Variants in OR2L5 observed in about 807,000 individuals in gnomAD.
OR2L5 encodes the protein olfactory receptor family 2 subfamily L member 5.
For synonymous variants in OR2L5, 169 were observed against 142.0 expected, an observed-to-expected ratio of 1.19 and a Z score of -1.35; for missense variants, 413 against 381.6, an observed-to-expected ratio of 1.08 and a Z score of -0.69.
In OR2L5 at chr1:248,023,997, T is replaced by C. The variant is rs1662413087; in HGVS notation, c.*1111T>C. On this transcript the variant is annotated 3_prime_UTR_variant, in exon 2 of 2. Transcript: ENST00000355281. ...ACTATTTATCTGAAGAATAACATCA[T>C]GTGATCAGAAAATATATTTTTATTT... The C allele has an allele frequency of 6.6e-6, 1 of 152,188 alleles. No homozygotes were observed. Among genetic ancestry groups the C allele is most frequent in the Non-Finnish European group, 1.5e-5 (1 of 68,026 alleles). 9.4% of individuals were successfully genotyped at this position (152,188 alleles called of 1,614,324 possible).
At chr1:248,020,218 C>T (rs997278916) in intron 1 of OR2L5, among the ~76,000 whole-genome samples, 1 of 152,124 alleles carries the variant, frequency 6.6e-6, no homozygotes, top group African/African-American at 2.4e-5. Flanking sequence ...ACTGGAAGTC[C>T]TAGCCAGAGC....
chr1:248,022,803 C>T lies in OR2L5; in HGVS notation c.856C>T (p.Pro286Ser). ...CACCATCCTCACCCCAATGCTCAACCCCATCATCTACAGCCTGAGAAACAA... is the reference window on the plus strand; with the variant it reads ...CACCATCCTCACCCCAATGCTCAACTCCATCATCTACAGCCTGAGAAACAA... ...FYTILTPMLN[P>S]IIYSLRNKEV... Residue 286 changes from proline (P) to serine (S), a missense_variant, in exon 2 of 2, where the codon CCC (proline) becomes TCC (serine). Physicochemically the swap from Pro to Ser is moderately conservative, Grantham distance 74 (BLOSUM62 -1). Transcript: ENST00000355281. The T allele has an allele frequency of 6.2e-7, 1 of 1,613,874 alleles. No homozygotes were observed. Among genetic ancestry groups the T allele is most frequent in the South Asian group, 1.1e-5 (1 of 91,066 alleles).
In OR2L5 at chr1:248,022,602, T is replaced by C. The variant is rs760720527; in HGVS notation, c.655T>C (p.Trp219Arg). The C allele has an allele frequency of 8.3e-5, 134 of 1,614,164 alleles. No homozygotes were observed. The East Asian group carries it at 1.4e-3, about 16-fold the overall frequency. Residue 219 changes from tryptophan to arginine, a missense_variant, in exon 2 of 2, where the codon TGG becomes CGG. By Grantham distance (101) the Trp-to-Arg change is moderately radical. Coordinates refer to ENST00000355281, the MANE Select transcript of OR2L5 (RefSeq NM_001258284.2). ...CACTGGCATTGCGTGTTCCTATGGC[T>C]GGGTTCTCCTTGCTGTCTACCGCAT... ...PFTGIACSYG[W>R]VLLAVYRMHS...
In OR2L5 at chr1:248,016,067, A is replaced by G. The variant is rs184256264; in HGVS notation, c.-22+2329A>G. On this transcript the variant is annotated intron_variant, in intron 1 of 1. Transcript: ENST00000355281. ...TATTCTTCCTTATGATAATGAGACT[A>G]TCACTGAAAAATCTTTGTCTTCTAT... Among the ~76,000 whole-genome samples the G allele has an allele frequency of 4.5e-4, 68 of 152,316 alleles. 1 individual carries two copies. The East Asian group carries it at 7.1e-3, about 16-fold the overall frequency.
At chr1:248,014,149 A>G (rs975806433) in intron 1 of OR2L5, among the ~76,000 whole-genome samples, 4 of 152,132 alleles carry the variant, frequency 2.6e-5, no homozygotes, top group African/African-American at 9.7e-5. Flanking sequence ...GTAATTAATT[A>G]TATGATGCTT....
chr1:248,021,699 A>G (rs1346910961), intron 1 of OR2L5, among the ~76,000 whole-genome samples: 1 of 152,218 alleles, frequency 6.6e-6, no homozygotes, highest in African/African-American at 2.4e-5. Flanking sequence ...CTTTTATTAG[A>G]GTATATAGTT....
At chr1:248,020,945 A>G (rs576443045) in intron 1 of OR2L5, among the ~76,000 whole-genome samples, 10 of 151,830 alleles carry the variant, frequency 6.6e-5, no homozygotes, top group Admixed American at 2.6e-4. Flanking sequence ...ATGCAAAGAC[A>G]ATTCAAGAAG....
In OR2L5 at chr1:248,021,955, A is replaced by G; in HGVS notation, c.8A>G (p.Asn3Ser). ...GGATCGTATGAATGCCCCATGGAAA[A>G]TTACAATCAAACGTCAACTGATTTC... ME[N>S]YNQTSTDFIL... is the part of the protein sequence containing the mutation. The change falls in exon 2 of 2, where the codon AAT (asparagine) becomes AGT (serine). Residue 3 changes from asparagine to serine, a missense_variant. By Grantham distance (46) the Asn-to-Ser change is conservative. Transcript: ENST00000355281. The G allele has an allele frequency of 1.9e-6, 3 of 1,612,374 alleles. No homozygotes were observed. Among genetic ancestry groups the G allele is most frequent in the Non-Finnish European group, 2.5e-6 (3 of 1,178,900 alleles).
At position 248,022,775 on chromosome 1, in the gene OR2L5, C is replaced by T; in HGVS notation, c.828C>T (p.Phe276=). ...CAGAGGACAAGGTTCTGGCTGTTTT[C>T]TACACCATCCTCACCCCAATGCTCA... The part of the protein sequence containing the change: ...SLTEDKVLAV[F]YTILTPMLNP... The change falls in exon 2 of 2, where the codon TTC becomes TTT. Residue 276 remains phenylalanine (F), a synonymous_variant. Transcript: ENST00000355281. 6.2e-7 allele frequency: 1 copy of T among 1,614,036 alleles called. No individual in the cohort carries two copies. Among genetic ancestry groups the T allele is most frequent in the Non-Finnish European group, 8.5e-7 (1 of 1,180,000 alleles).
Position 248,023,034 on chromosome 1 carries a change from T to C in OR2L5, c.*148T>C. 2.8e-6 allele frequency: 2 copies of C among 707,802 alleles called. No homozygotes were observed. The highest frequency in any genetic ancestry group is 4.5e-6 in the Non-Finnish European group (2 of 444,050). 43.8% of individuals were successfully genotyped at this position (707,802 alleles called of 1,614,324 possible). ...TTTTAATTTAGTCTTGACATTATAGTTGCATATTCTAAGACATCTATTTTG... is the reference window on the plus strand; with the variant it reads ...TTTTAATTTAGTCTTGACATTATAGCTGCATATTCTAAGACATCTATTTTG... On this transcript the variant is annotated 3_prime_UTR_variant, in exon 2 of 2. Coordinates refer to ENST00000355281, the MANE Select transcript of OR2L5 (RefSeq NM_001258284.2).
At chr1:248,020,996 CT>C (rs947088770) in intron 1 of OR2L5, among the ~76,000 whole-genome samples, 74 of 151,804 alleles carry the variant, frequency 4.9e-4, no homozygotes, top group African/African-American at 1.6e-3. Context: ...GCTGCTGCAG[CT>C]TTAGAAGTAA....
At chr1:248,021,879 G>A in intron 1 of OR2L5, 48 bp from the exon 2 acceptor site, 2 of 1,281,208 alleles carry the variant, frequency 1.6e-6, no homozygotes, top group Non-Finnish European at 2.2e-6. Flanking sequence ...AACCCCTGCA[G>A]ATAATGGGGA....
intron 1 of OR2L5, among the ~76,000 whole-genome samples, chr1:248,017,250 AG>A (rs1270955370): frequency 1.3e-5 from 2 of 152,246 alleles, no homozygotes; most frequent in Admixed American, 1.3e-4. Flanking sequence ...AAGGGGCACA[AG>A]TAACCTGTTT....
chr1:248,014,947 T>G lies in OR2L5; in HGVS notation c.-22+1209T>G, dbSNP rs1325314689. ...GACTAAGCACATCCTCATCCCAAAATAACAGTCAAAGGATACTTCATACTC... is the reference window on the plus strand; with the variant it reads ...GACTAAGCACATCCTCATCCCAAAAGAACAGTCAAAGGATACTTCATACTC... On this transcript the variant is annotated intron_variant, in intron 1 of 1. Transcript: ENST00000355281. Among the ~76,000 whole-genome samples, 20 of 152,222 alleles carry G rather than the reference T, an allele frequency of 1.3e-4. 1 individual carries two copies. In the East Asian group the frequency reaches 3.7e-3, roughly 28 times the overall value.
chr1:248,020,409 A>C (rs1662308139), intron 1 of OR2L5, among the ~76,000 whole-genome samples: 3 of 152,218 alleles, frequency 2.0e-5, no homozygotes, highest in African/African-American at 7.2e-5. Flanking sequence ...TACATAAATC[A>C]GCAGTTCTAT....
intron 1 of OR2L5, among the ~76,000 whole-genome samples, chr1:248,018,029 C>G (rs1662245026): frequency 6.6e-6 from 1 of 151,906 alleles, no homozygotes; most frequent in Non-Finnish European, 1.5e-5. Flanking sequence ...GTGGTGGGCC[C>G]CTGTAATCCC....
rs776628151 is a variant in OR2L5 at position 248,022,467 on chromosome 1, A to C, written c.520A>C (p.Asn174His). 2 of 1,614,062 alleles carry C rather than the reference A, an allele frequency of 1.2e-6. No individual in the cohort carries two copies. The highest frequency in any genetic ancestry group is 1.7e-6 in the Non-Finnish European group (2 of 1,180,052). ...RIPYCKSRAI[N>H]HFFCDVPAML... Reference sequence around the variant, plus strand: ...CCCATATTGCAAGTCCAGAGCCATCAATCATTTTTTCTGTGATGTTCCAGC... The same window carrying C: ...CCCATATTGCAAGTCCAGAGCCATCCATCATTTTTTCTGTGATGTTCCAGC... Residue 174 changes from asparagine (N) to histidine (H), a missense_variant, in exon 2 of 2, where the codon AAT becomes CAT. Coordinates refer to ENST00000355281, the MANE Select transcript of OR2L5 (RefSeq NM_001258284.2).
rs1198897025 is a variant in OR2L5 at position 248,023,689 on chromosome 1, T to G, written c.*803T>G. 6.6e-6 allele frequency: 1 copy of G among 152,222 alleles called. No individual in the cohort carries two copies. Among genetic ancestry groups the G allele is most frequent in the Non-Finnish European group, 1.5e-5 (1 of 68,038 alleles). The allele number at this position is 152,222 out of a possible 1,614,324, so 9.4% of individuals were successfully genotyped here. On this transcript the variant is annotated 3_prime_UTR_variant, in exon 2 of 2. Transcript: ENST00000355281. ...CACTATTTTTATACCTGCTTAGGCC[T>G]GTGCCTAGAAGGATCAACATTATTT...
In OR2L5 at chr1:248,022,924, T is replaced by A; in HGVS notation, c.*38T>A. 1.3e-6 allele frequency: 2 copies of A among 1,554,230 alleles called. No individual in the cohort carries two copies. Among genetic ancestry groups the A allele is most frequent in the Non-Finnish European group, 1.7e-6 (2 of 1,147,768 alleles). On this transcript the variant is annotated 3_prime_UTR_variant, in exon 2 of 2. Coordinates refer to ENST00000355281, the MANE Select transcript of OR2L5 (RefSeq NM_001258284.2). ...TGTTAGAGTCAAAGCGCTAGGTTCA[T>A]ATCAACTCAGCAGTGTACAGCAGTG...
Sources: allele counts gnomAD v4.1 joint callset (sites outside exome capture counted in the v4.1 genomes callset), GRCh38; gene constraint gnomAD v4.1.1; transcripts MANE v1.5; gene names NCBI Gene and HGNC (gene_info 2026-07-23, HGNC 2026-07-21).